The following MACROD2 variants were observed in gnomAD, a reference collection of about 807,000 sequenced individuals.
MACROD2 encodes the protein ADP-ribose glycohydrolase MACROD2.
In MACROD2, 36 loss-of-function variants were observed where a neutral mutation model predicts 70.4. The ratio of observed to expected loss-of-function variants is 0.51; its 90% CI spans 0.39 to 0.68. The LOEUF (loss-of-function observed/expected upper bound fraction) is 0.68. Ranked by LOEUF, MACROD2 falls within the 30% of genes least tolerant of loss-of-function variation. MACROD2 has a pLI of 0.00. For missense variants in MACROD2, 496 were observed against 538.4 expected, an observed-to-expected ratio of 0.92 and a Z score of 0.78; for synonymous variants, 172 against 178.8, an observed-to-expected ratio of 0.96 and a Z score of 0.30.
At chr20:15,388,559 C>T (rs911407270) in intron 6 of MACROD2, among the ~76,000 whole-genome samples, 4 of 152,018 alleles carry the variant, frequency 2.6e-5, no homozygotes, top group African/African-American at 9.7e-5. Flanking sequence ...GCACTGAAAA[C>T]ATGATCTATT....
intron 5 of MACROD2, among the ~76,000 whole-genome samples, chr20:15,036,693 A>G (rs1457264911): frequency 6.6e-6 from 1 of 152,122 alleles, no homozygotes; most frequent in Non-Finnish European, 1.5e-5. Flanking sequence ...TAACTGCACA[A>G]AAACTCACCA....
intron 2 of MACROD2, among the ~76,000 whole-genome samples, chr20:14,078,635 T>A (rs2053948421): frequency 6.6e-6 from 1 of 151,362 alleles, no homozygotes; most frequent in Admixed American, 6.6e-5. Flanking sequence ...CTCGAACTCC[T>A]GACGTCAGGT....
intron 9 of MACROD2, among the ~76,000 whole-genome samples, chr20:15,870,964 G>A (rs1397127602): frequency 6.6e-6 from 1 of 152,020 alleles, no homozygotes; most frequent in African/African-American, 2.4e-5. Context: ...GGATCACAAG[G>A]TCAGGAGTTT....
chr20:15,796,706 T>C (rs1433383519), intron 8 of MACROD2, among the ~76,000 whole-genome samples: 1 of 152,170 alleles, frequency 6.6e-6, no homozygotes, highest in Non-Finnish European at 1.5e-5. Context: ...AATTATTATC[T>C]CCTGAAAATT....
intron 8 of MACROD2, among the ~76,000 whole-genome samples, chr20:15,778,642 A>G (rs1009874549): frequency 1.3e-5 from 2 of 151,896 alleles, no homozygotes; most frequent in Admixed American, 1.3e-4. Context: ...AACCCTAAAT[A>G]TTTTACTTTA....
chr20:15,911,916 G>A (rs2065243232), intron 10 of MACROD2, among the ~76,000 whole-genome samples: 1 of 152,184 alleles, frequency 6.6e-6, no homozygotes, highest in Non-Finnish European at 1.5e-5. Context: ...TGAGGCAGGA[G>A]AATCGCTTGA....
At chr20:15,709,347 T>C (rs528671424) in intron 8 of MACROD2, among the ~76,000 whole-genome samples, 1 of 152,262 alleles carries the variant, frequency 6.6e-6, no homozygotes, top group Non-Finnish European at 1.5e-5. Flanking sequence ...TAGAAGACTT[T>C]TAAAAACATT....
intron 10 of MACROD2, among the ~76,000 whole-genome samples, chr20:15,921,548 G>C (rs1055958262): frequency 6.6e-6 from 1 of 152,150 alleles, no homozygotes; most frequent in Non-Finnish European, 1.5e-5. Flanking sequence ...TGCTTCACAA[G>C]TGCCTTAGGC....
intron 5 of MACROD2, among the ~76,000 whole-genome samples, chr20:14,696,168 T>TTAGA (rs1555817186): frequency 6.6e-6 from 1 of 152,076 alleles, no homozygotes; most frequent in Non-Finnish European, 1.5e-5. Flanking sequence ...CGAAAACTTC[T>TTAGA]TAGATAGATA....
intron 5 of MACROD2, among the ~76,000 whole-genome samples, chr20:14,728,521 T>C (rs561208425): frequency 6.6e-6 from 1 of 152,342 alleles, no homozygotes; most frequent in South Asian, 2.1e-4. Flanking sequence ...CCAGATTCCA[T>C]TTAAAAACCT....
chr20:15,045,733 T>G (rs1486353053), intron 5 of MACROD2, among the ~76,000 whole-genome samples: 11 of 146,978 alleles, frequency 7.5e-5, no homozygotes, highest in Admixed American at 1.4e-4. Context: ...TTTTTTTTTT[T>G]TTTTTTTTTT....
In MACROD2 at chr20:15,998,365, T is replaced by A. The variant is rs1037547138; in HGVS notation, c.1153+11207T>A. ...CTATTTTGATCTCTTTACTCATTAC[T>A]AGTCTATTCAGATATTCTGTTTCTT... is the stretch of plus-strand genomic sequence containing the variant. On this transcript the variant is annotated intron_variant, in intron 15 of 17. Transcript: ENST00000684519. Among the ~76,000 whole-genome samples, 3 of 152,314 alleles carry A rather than the reference T, an allele frequency of 2.0e-5. No individual in the cohort carries two copies. In the South Asian group the frequency reaches 6.2e-4, roughly 32 times the overall value.
intron 8 of MACROD2, among the ~76,000 whole-genome samples, chr20:15,544,828 G>A (rs1449364579): frequency 6.6e-6 from 1 of 152,122 alleles, no homozygotes; most frequent in African/African-American, 2.4e-5. Context: ...AATATATCTT[G>A]CTTTTACCCT....
At chr20:14,526,785 C>T (rs1393881460) in intron 4 of MACROD2, among the ~76,000 whole-genome samples, 1 of 152,214 alleles carries the variant, frequency 6.6e-6, no homozygotes, top group Non-Finnish European at 1.5e-5. Flanking sequence ...GGGCTCCAAA[C>T]CCACGACAGT....
chr20:14,809,679 A>C (rs1327788392), intron 5 of MACROD2, among the ~76,000 whole-genome samples: 2 of 152,000 alleles, frequency 1.3e-5, no homozygotes, highest in Non-Finnish European at 2.9e-5. Context: ...AACAAAATAG[A>C]CTGCTAGCCA....
At chr20:14,869,382 T>C (rs910543780) in intron 5 of MACROD2, among the ~76,000 whole-genome samples, 2 of 152,130 alleles carry the variant, frequency 1.3e-5, no homozygotes, top group African/African-American at 4.8e-5. Flanking sequence ...CTAAAACTGT[T>C]GGAAGTGTTA....
At chr20:15,632,044 C>G (rs954326064) in intron 8 of MACROD2, among the ~76,000 whole-genome samples, 1 of 151,932 alleles carries the variant, frequency 6.6e-6, no homozygotes, top group Non-Finnish European at 1.5e-5. Context: ...GAGGCCGAGG[C>G]AGGAGAATCA....
chr20:15,916,813 TACAAG>T (rs765420041), intron 10 of MACROD2, among the ~76,000 whole-genome samples: 22 of 152,332 alleles, frequency 1.4e-4, no homozygotes, highest in Middle Eastern at 3.4e-3. Flanking sequence ...ATTCCTACAC[TACAAG>T]GGTAATCACT....
intron 5 of MACROD2, among the ~76,000 whole-genome samples, chr20:14,750,794 G>A (rs971660504): frequency 1.3e-5 from 2 of 151,786 alleles, no homozygotes; most frequent in African/African-American, 4.9e-5. Flanking sequence ...AATAATCAGA[G>A]TATAACAAAA....
Sources: gnomAD v4.1 joint callset for allele counts (sites outside exome capture counted in the v4.1 genomes callset) on GRCh38, gnomAD v4.1.1 for gene constraint, MANE v1.5 for transcripts, NCBI Gene and HGNC (gene_info 2026-07-23, HGNC 2026-07-21) for gene names.